RABL6: variants seen among roughly 807,000 people sequenced by gnomAD.
RABL6 encodes rab-like protein 6.
A neutral mutation model predicts 72.9 loss-of-function variants in RABL6; 28 were observed. The ratio of observed to expected loss-of-function variants is 0.38; its 90% CI spans 0.28 to 0.53. The LOEUF (loss-of-function observed/expected upper bound fraction) is 0.53, where lower values mean the gene tolerates loss of function less well. Among genes scored for constraint, RABL6 ranks in the 20% least tolerant of loss-of-function variants. The pLI is 0.80. For missense variants in RABL6, 1,029 were observed against 1,008.4 expected, an observed-to-expected ratio of 1.02 and a Z score of -0.28; for synonymous variants, 477 against 421.2, an observed-to-expected ratio of 1.13 and a Z score of -1.62.
intron 1 of RABL6, among the ~76,000 whole-genome samples, chr9:136,821,095 C>T (rs185347833): frequency 7.5e-4 from 115 of 152,360 alleles, no homozygotes; most frequent in Admixed American, 6.7e-3. Context: ...GGGCTGGTTT[C>T]CGGCAGTGGC....
intron 1 of RABL6, among the ~76,000 whole-genome samples, chr9:136,812,335 G>A (rs765244639): frequency 6.6e-6 from 1 of 152,092 alleles, no homozygotes; most frequent in Admixed American, 6.6e-5. Flanking sequence ...TGAGGTGGGC[G>A]GATTACATGA....
intron 7 of RABL6, chr9:136,834,020 T>A: frequency 6.8e-7 from 1 of 1,479,084 alleles, no homozygotes; most frequent in East Asian, 2.5e-5. Flanking sequence ...CTGGACAGAG[T>A]CTTGAGCTGG....
At chr9:136,821,641 C>T in intron 1 of RABL6, 1 of 988,384 alleles carries the variant, frequency 1.0e-6, no homozygotes, top group Non-Finnish European at 1.2e-6. Flanking sequence ...AGGGAGGGCG[C>T]CGCGGCCCGT....
rs1564374424 is a variant in RABL6, at chr9:136,840,146, C to G, written c.1931-8C>G. On this transcript the variant is annotated splice_region_variant and splice_polypyrimidine_tract_variant and intron_variant, in intron 13 of 14. Coordinates refer to ENST00000311502, the MANE Select transcript of RABL6 (RefSeq NM_024718.5). ...GAGTTTGAGCCACTGTCTGTCCTGT[C>G]TGTGCAGGTAAGGAGGGCAAAACCC... 7 of 1,612,876 alleles carry G rather than the reference C, an allele frequency of 4.3e-6. 1 individual carries two copies. The highest frequency in any genetic ancestry group is 5.1e-6 in the Non-Finnish European group (6 of 1,179,818).
chr9:136,812,974 A>G (rs1016999342), intron 1 of RABL6: 1 of 351,144 alleles, frequency 2.8e-6, no homozygotes, highest in Non-Finnish European at 5.6e-6. Context: ...GTTTCCCTCA[A>G]TTTCACCATC....
chr9:136,815,229 G>T, intron 1 of RABL6: 1 of 306,666 alleles, frequency 3.3e-6, no homozygotes, highest in Non-Finnish European at 6.4e-6. Context: ...AGGAGCTGCT[G>T]CCAGTGCTTT....
chr9:136,808,392 C>G (rs959743624), intron 1 of RABL6, 66 bp downstream of exon 1: 47 of 1,380,890 alleles, frequency 3.4e-5, no homozygotes, highest in Admixed American at 7.5e-5. Flanking sequence ...GCCCCGGGCG[C>G]CGCGCGGTGG....
At position 136,840,859 on chromosome 9, in the gene RABL6, G is replaced by C. The variant is rs1449992838; in HGVS notation, c.*337G>C. 6.5e-7 allele frequency: 1 copy of C among 1,539,926 alleles called. No individual in the cohort carries two copies. The highest frequency in any genetic ancestry group is 8.8e-7 in the Non-Finnish European group (1 of 1,141,826). ...GTGAGGGTCTGTTTACAGAGGCTGG[G>C]CAGGGGCCGCTTGGCTGTGGGGTGT... is the stretch of plus-strand genomic sequence containing the variant. On this transcript the variant is annotated 3_prime_UTR_variant, in exon 15 of 15. Coordinates refer to ENST00000311502, the MANE Select transcript of RABL6 (RefSeq NM_024718.5).
At chr9:136,834,487 A>T in intron 7 of RABL6, 1 of 975,492 alleles carries the variant, frequency 1.0e-6, no homozygotes, top group Non-Finnish European at 1.2e-6. Context: ...ACTTTAATAC[A>T]CTCTTTTTTT....
chr9:136,817,262 G>A (rs1362888819), intron 1 of RABL6, among the ~76,000 whole-genome samples: 3 of 152,134 alleles, frequency 2.0e-5, no homozygotes, highest in Non-Finnish European at 4.4e-5. Flanking sequence ...GTTCCAGAAG[G>A]AGAAGAGAGC....
chr9:136,825,788 ACAT>A lies in RABL6; in HGVS notation c.277_279del (p.Ile93del). The A allele has an allele frequency of 6.2e-7, 1 of 1,613,686 alleles. No homozygotes were observed. Among genetic ancestry groups the A allele is most frequent in the Non-Finnish European group, 8.5e-7 (1 of 1,179,634 alleles). Reference sequence around the variant, plus strand: ...ATTCTCCCTGTTTCAGCCACGGATGACATCGTGAAGGTTGAAGTCTGGGATGTA... The same window carrying A: ...ATTCTCCCTGTTTCAGCCACGGATGACGTGAAGGTTGAAGTCTGGGATGTA... On this transcript the variant is annotated inframe_deletion, in exon 3 of 15. Coordinates refer to ENST00000311502, the MANE Select transcript of RABL6 (RefSeq NM_024718.5).
intron 6 of RABL6, 68 bp downstream of exon 6, chr9:136,831,929 G>A: frequency 6.6e-7 from 1 of 1,526,518 alleles, no homozygotes; most frequent in South Asian, 1.2e-5. Flanking sequence ...AGGGTGCTGA[G>A]GCAGAGGCCC....
At chr9:136,820,661 G>A (rs1848217932) in intron 1 of RABL6, among the ~76,000 whole-genome samples, 1 of 152,070 alleles carries the variant, frequency 6.6e-6, no homozygotes, top group Non-Finnish European at 1.5e-5. Context: ...GTGAGCCACC[G>A]TGCCCGGCCA....
At chr9:136,829,538 T>A (rs1848428341) in intron 5 of RABL6, 54 bp downstream of exon 5, 1 of 1,454,964 alleles carries the variant, frequency 6.9e-7, no homozygotes, top group Non-Finnish European at 9.4e-7. Context: ...CCCTAGCCCC[T>A]TGGGCGCCCT....
At chr9:136,831,006 G>A (rs1413132452) in intron 5 of RABL6, 1 of 154,762 alleles carries the variant, frequency 6.5e-6, no homozygotes, top group East Asian at 1.9e-4. Flanking sequence ...CCCCTGGGCC[G>A]GCCTTGGTGA....
At chr9:136,813,399 C>A in intron 1 of RABL6, 1 of 931,312 alleles carries the variant, frequency 1.1e-6, no homozygotes. Context: ...GTTGCTTAAA[C>A]CAGAGTTTTT....
At chr9:136,812,833 C>A in intron 1 of RABL6, 1 of 338,396 alleles carries the variant, frequency 3.0e-6, no homozygotes, top group South Asian at 2.8e-5. Context: ...CTCTGCCTCC[C>A]CAGAAGCTGC....
At position 136,826,142 on chromosome 9, in the gene RABL6, C is replaced by T. The variant is rs558166080; in HGVS notation, c.313+316C>T. On this transcript the variant is annotated intron_variant, in intron 3 of 14. Coordinates refer to ENST00000311502, the MANE Select transcript of RABL6 (RefSeq NM_024718.5). The surrounding 1 kb of genome is among the most constrained non-coding windows in gnomAD (Gnocchi z 4.9). ...GGGTGCTATTTTGGGAGCCCTCCTC[C>T]TGCACTGCCTGGCGGAGTAGCCCAG... 6.6e-6 allele frequency among the ~76,000 whole-genome samples: 1 copy of T among 152,192 alleles called. No homozygotes were observed.
chr9:136,832,500 G>T (rs1327323383), intron 7 of RABL6, 130 bp downstream of exon 7: 7 of 822,762 alleles, frequency 8.5e-6, no homozygotes, highest in Non-Finnish European at 1.5e-5. Context: ...TTGGCTGCTG[G>T]CAAGGGCCCA....
Sources: allele counts gnomAD v4.1 joint callset (sites outside exome capture counted in the v4.1 genomes callset), GRCh38; gene constraint gnomAD v4.1.1; non-coding constraint Gnocchi (gnomAD v3.1); transcripts MANE v1.5; gene names NCBI Gene and HGNC (gene_info 2026-07-23, HGNC 2026-07-21).